DLG2: variants seen among roughly 807,000 people sequenced by gnomAD.
The protein encoded by DLG2 is discs large MAGUK scaffold protein 2.
In DLG2, 45 loss-of-function variants were observed where a neutral mutation model predicts 132.5. The ratio of observed to expected loss-of-function variants is 0.34; its 90% CI spans 0.27 to 0.44. The LOEUF is 0.44. Ranked by LOEUF, DLG2 falls within the 20% of genes least tolerant of loss-of-function variation. The pLI is 1.00. For synonymous variants in DLG2, 424 were observed against 419.6 expected, an observed-to-expected ratio of 1.01 and a Z score of -0.13; for missense variants, 1,045 against 1,196.9, an observed-to-expected ratio of 0.87 and a Z score of 1.87.
At chr11:85,210,795 A>T (rs542607790) in intron 4 of DLG2, among the ~76,000 whole-genome samples, 1 of 152,218 alleles carries the variant, frequency 6.6e-6, no homozygotes, top group Non-Finnish European at 1.5e-5. Context: ...CCATCAACTT[A>T]GCTGAAACTT....
At chr11:85,046,879 G>C (rs1266802275) in intron 6 of DLG2, among the ~76,000 whole-genome samples, 1 of 151,574 alleles carries the variant, frequency 6.6e-6, no homozygotes, top group Non-Finnish European at 1.5e-5. Flanking sequence ...TTTTCTTGAA[G>C]AGTCACAATG....
intron 7 of DLG2, among the ~76,000 whole-genome samples, chr11:84,519,294 T>A (rs547923975): frequency 6.6e-6 from 1 of 152,300 alleles, no homozygotes; most frequent in South Asian, 2.1e-4. Flanking sequence ...GTGATAGAAT[T>A]CTATGGAAAG....
At chr11:84,938,073 A>C (rs899308238) in intron 6 of DLG2, among the ~76,000 whole-genome samples, 3 of 152,198 alleles carry the variant, frequency 2.0e-5, no homozygotes, top group African/African-American at 7.2e-5. Flanking sequence ...GCTTTTTAAC[A>C]GTTCTGTGAG....
intron 7 of DLG2, among the ~76,000 whole-genome samples, chr11:84,358,363 A>ATTTTTTTTTTTTTTTTTTT: frequency 8.2e-6 from 1 of 121,482 alleles, no homozygotes; most frequent in Non-Finnish European, 1.8e-5. Flanking sequence ...AAGTCCCAGT[A>ATTTTTTTTTTTTTTTTTTT]TTTTTTTTTT....
intron 18 of DLG2, among the ~76,000 whole-genome samples, chr11:83,705,466 C>T (rs1355872679): frequency 6.6e-6 from 1 of 152,026 alleles, no homozygotes; most frequent in African/African-American, 2.4e-5. Flanking sequence ...ATACTTGCCT[C>T]ACCTCCAGAA....
chr11:84,754,239 T>C (rs1033136868), intron 6 of DLG2, among the ~76,000 whole-genome samples: 5 of 152,124 alleles, frequency 3.3e-5, no homozygotes, highest in African/African-American at 1.2e-4. Flanking sequence ...CTTTATGAAC[T>C]CCAAAGCACT....
At chr11:84,243,023 A>C (rs867475191) in intron 8 of DLG2, among the ~76,000 whole-genome samples, 8,684 of 78,296 alleles carry the variant, frequency 0.11, 288 homozygotes, top group Non-Finnish European at 0.12. Context: ...CTCTCTATAT[A>C]TATATATATA....
At chr11:84,427,734 C>A (rs932583322) in intron 7 of DLG2, among the ~76,000 whole-genome samples, 1 of 152,120 alleles carries the variant, frequency 6.6e-6, no homozygotes, top group Admixed American at 6.6e-5. Context: ...CATTTTTACC[C>A]CTCCCATGCT....
In DLG2 at chr11:84,729,280, T is replaced by G. The variant is rs995920494; in HGVS notation, c.358-194549A>C. Among the ~76,000 whole-genome samples the G allele has an allele frequency of 2.6e-5, 4 of 152,176 alleles. No homozygotes were observed. The South Asian group carries it at 8.3e-4, about 31-fold the overall frequency. On this transcript the variant is annotated intron_variant, in intron 6 of 27. Transcript: ENST00000376104. ...ATGTGTCCCAGGGATTCCGGTACATTGTGTCTTTGTTCTCATTGGTTTCAA... is the reference window on the plus strand; with the variant it reads ...ATGTGTCCCAGGGATTCCGGTACATGGTGTCTTTGTTCTCATTGGTTTCAA...
intron 7 of DLG2, among the ~76,000 whole-genome samples, chr11:84,464,112 G>C (rs3910103): frequency 0.093 from 13,985 of 151,158 alleles, 1,484 homozygotes; most frequent in African/African-American, 0.26. Flanking sequence ...GAACTAAATT[G>C]ACCGATTCGA....
chr11:84,866,235 A>T (rs926260275), intron 6 of DLG2, among the ~76,000 whole-genome samples: 9 of 152,048 alleles, frequency 5.9e-5, no homozygotes, highest in African/African-American at 2.2e-4. Flanking sequence ...AGCCAAGGTG[A>T]TTTGCTGCTG....
rs374231444 is a variant in DLG2 at position 84,586,125 on chromosome 11, G to A, written c.358-51394C>T. The stretch of plus-strand genomic sequence containing the variant: ...AAGATCGTGCCACTGCACTGCAGCC[G>A]GGGTGACAGAGTGAGATTCTGACTC... On this transcript the variant is annotated intron_variant, in intron 6 of 27. Transcript: ENST00000376104. Among the ~76,000 whole-genome samples, 776 of 144,138 alleles carry A rather than the reference G, an allele frequency of 5.4e-3. 5 individuals carry two copies. Among genetic ancestry groups the A allele is most frequent in the Non-Finnish European group, 7.9e-3 (536 of 67,600 alleles). The allele number at this position is 144,138 out of a possible 152,430, so 94.6% of individuals were successfully genotyped here. A position where few individuals can be genotyped will look rare whatever the true frequency, so the allele number is the denominator to read the frequency against.
At chr11:84,741,949 G>A (rs2064738058) in intron 6 of DLG2, among the ~76,000 whole-genome samples, 1 of 151,906 alleles carries the variant, frequency 6.6e-6, no homozygotes, top group Non-Finnish European at 1.5e-5. Flanking sequence ...ATTTGAATGA[G>A]AAACTCAACA....
chr11:85,568,298 C>T (rs907372167), intron 3 of DLG2, among the ~76,000 whole-genome samples: 1 of 151,856 alleles, frequency 6.6e-6, no homozygotes. Context: ...TACAGGCGTG[C>T]GTAACCACAC....
intron 7 of DLG2, among the ~76,000 whole-genome samples, chr11:84,356,934 A>G (rs2098616676): frequency 6.6e-6 from 1 of 152,032 alleles, no homozygotes; most frequent in East Asian, 1.9e-4. Context: ...AATTGCCAGA[A>G]AGTTCAAGGG....
At chr11:85,237,699 T>C (rs2152666599) in intron 4 of DLG2, among the ~76,000 whole-genome samples, 1 of 152,156 alleles carries the variant, frequency 6.6e-6, no homozygotes, top group East Asian at 1.9e-4. Context: ...TAGATGCAAC[T>C]GACCAGCAAT....
intron 6 of DLG2, among the ~76,000 whole-genome samples, chr11:84,950,103 A>G (rs1262804170): frequency 6.6e-6 from 1 of 152,186 alleles, no homozygotes; most frequent in Non-Finnish European, 1.5e-5. Flanking sequence ...TCCAACTAAT[A>G]TATTCTGATT....
intron 8 of DLG2, among the ~76,000 whole-genome samples, chr11:84,244,150 C>T (rs951487434): frequency 3.9e-5 from 6 of 152,082 alleles, no homozygotes; most frequent in Non-Finnish European, 7.4e-5. Context: ...TGCAGACTGA[C>T]GCATCCCAGA....
intron 3 of DLG2, 64 bp downstream of exon 3, chr11:85,598,593 A>G: frequency 1.6e-6 from 2 of 1,251,034 alleles, no homozygotes; most frequent in African/African-American, 1.6e-5. Flanking sequence ...CTTTGACCAC[A>G]TTATTCAAAC....
Sources: gnomAD v4.1 joint callset for allele counts (sites outside exome capture counted in the v4.1 genomes callset) on GRCh38, gnomAD v4.1.1 for gene constraint, MANE v1.5 for transcripts, NCBI Gene and HGNC (gene_info 2026-07-23, HGNC 2026-07-21) for gene names.